The following NEO1 variants were observed in gnomAD, a reference collection of about 807,000 sequenced individuals.
The protein encoded by NEO1 is neogenin 1.
Under a neutral mutation model 159.7 loss-of-function variants are expected in NEO1, and 63 were observed. The ratio of observed to expected loss-of-function variants is 0.39; its 90% confidence interval spans 0.32 to 0.49. The LOEUF is 0.49. NEO1 is among the 20% of genes least tolerant of loss of function. NEO1 has a pLI of 0.85. For synonymous variants in NEO1, 633 were observed against 662.0 expected (o/e 0.96, Z 0.67); for missense variants, 1,615 against 1,831.0 (o/e 0.88, Z 2.15).
intron 5 of NEO1, among the ~76,000 whole-genome samples, chr15:73,150,822 A>G (rs75480405): frequency 0.022 from 3,343 of 152,208 alleles, 117 homozygotes; most frequent in African/African-American, 0.074. Flanking sequence ...CAGAGGGTCT[A>G]TTCTTTTGTT....
At chr15:73,179,869 A>T (rs999940786) in intron 7 of NEO1, among the ~76,000 whole-genome samples, 7 of 150,614 alleles carry the variant, frequency 4.6e-5, no homozygotes, top group African/African-American at 1.5e-4. Context: ...ATATGTATAT[A>T]TATATATATA....
intron 25 of NEO1, among the ~76,000 whole-genome samples, chr15:73,290,849 G>A (rs1417685677): frequency 2.0e-5 from 3 of 152,008 alleles, no homozygotes; most frequent in South Asian, 2.1e-4. Context: ...CCATGACATC[G>A]TGCACTTGGA....
At chr15:73,083,306 A>G (rs373635069) in intron 1 of NEO1, among the ~76,000 whole-genome samples, 15 of 152,268 alleles carry the variant, frequency 9.9e-5, no homozygotes, top group East Asian at 3.9e-4. Context: ...CATATTTCAA[A>G]TATATTTGAG....
intron 23 of NEO1, among the ~76,000 whole-genome samples, chr15:73,285,667 C>T (rs1266617578): frequency 6.6e-6 from 1 of 152,182 alleles, no homozygotes; most frequent in Non-Finnish European, 1.5e-5. Flanking sequence ...AGTCTTACAA[C>T]CTCAAAGTTG....
chr15:73,211,732 A>T (rs899682034), intron 7 of NEO1, among the ~76,000 whole-genome samples: 1 of 151,038 alleles, frequency 6.6e-6, no homozygotes, highest in African/African-American at 2.4e-5. Flanking sequence ...AAGACAATAA[A>T]AGTAGGTGGA....
chr15:73,303,629 T>C lies in NEO1; in HGVS notation c.*933T>C, dbSNP rs918660064. ...TCCTTTCCTGGCATGTCCATCCTTA[T>C]TGTCACTACGTTGCAACTGGAGTTT... On this transcript the variant is annotated 3_prime_UTR_variant, in exon 29 of 29. Coordinates refer to ENST00000261908, the MANE Select transcript of NEO1 (RefSeq NM_002499.4). 1.3e-5 allele frequency: 2 copies of C among 152,218 alleles called. No individual in the cohort carries two copies. The highest frequency in any genetic ancestry group is 1.5e-5 in the Non-Finnish European group (1 of 68,052). 9.4% of individuals were successfully genotyped at this position (152,218 alleles called of 1,614,324 possible).
chr15:73,053,166 C>A (rs2067541860), intron 1 of NEO1, among the ~76,000 whole-genome samples: 1 of 152,134 alleles, frequency 6.6e-6, no homozygotes, highest in African/African-American at 2.4e-5. Context: ...CTACACACCT[C>A]ATTAAATAAA....
chr15:73,164,499 G>A (rs1233175023), intron 5 of NEO1, among the ~76,000 whole-genome samples: 4 of 151,738 alleles, frequency 2.6e-5, no homozygotes, highest in Non-Finnish European at 5.9e-5. Flanking sequence ...ACAGGCATAA[G>A]CCACCACGCC....
chr15:73,203,438 G>T (rs2037023597), intron 7 of NEO1, among the ~76,000 whole-genome samples: 1 of 151,986 alleles, frequency 6.6e-6, no homozygotes, highest in South Asian at 2.1e-4. Flanking sequence ...CACTTAATAG[G>T]TATATTTAGG....
At chr15:73,113,995 G>T (rs1334775444) in intron 1 of NEO1, among the ~76,000 whole-genome samples, 1 of 152,046 alleles carries the variant, frequency 6.6e-6, no homozygotes. Context: ...AAGCAAGTTT[G>T]GGAACCTCTC....
chr15:73,205,606 C>T lies in NEO1; in HGVS notation c.1291+27179C>T, dbSNP rs955167502. Among the ~76,000 whole-genome samples the T allele has an allele frequency of 1.3e-5, 2 of 152,162 alleles. 1 individual carries two copies. Among genetic ancestry groups the T allele is most frequent in the Non-Finnish European group, 2.9e-5 (2 of 68,034 alleles). ...CATTCTCACAATAGTCCACACTCAA[C>T]CTCTAGCAATTTGTAAGATTACCTT... On this transcript the variant is annotated intron_variant, in intron 7 of 28. Transcript: ENST00000261908.
intron 5 of NEO1, among the ~76,000 whole-genome samples, chr15:73,136,899 C>T (rs1010081240): frequency 1.3e-5 from 2 of 152,100 alleles, no homozygotes; most frequent in African/African-American, 4.8e-5. Context: ...GAAGACTGCT[C>T]CCAGTGCTGT....
intron 1 of NEO1, among the ~76,000 whole-genome samples, chr15:73,107,922 C>T (rs1000304359): frequency 6.6e-6 from 1 of 152,184 alleles, no homozygotes. Context: ...TGGCTCATGC[C>T]TGCATTCCCA....
At chr15:73,288,729 G>C (rs575319960) in intron 24 of NEO1, among the ~76,000 whole-genome samples, 178 bp downstream of exon 24, 56 of 152,164 alleles carry the variant, frequency 3.7e-4, no homozygotes, top group African/African-American at 1.3e-3. Context: ...TCTTATGGGA[G>C]AGAGATTCTG....
intron 7 of NEO1, among the ~76,000 whole-genome samples, chr15:73,225,469 C>A (rs916039864): frequency 6.6e-6 from 1 of 152,026 alleles, no homozygotes; most frequent in Non-Finnish European, 1.5e-5. Context: ...TCCTTGGGCG[C>A]GTCTCCCTGC....
At chr15:73,064,783 A>G (rs1037667769) in intron 1 of NEO1, among the ~76,000 whole-genome samples, 1 of 151,984 alleles carries the variant, frequency 6.6e-6, no homozygotes, top group African/African-American at 2.4e-5. Context: ...TCATATATTT[A>G]TGTTATGTTT....
At chr15:73,256,659 T>C (rs1482853286) in intron 13 of NEO1, among the ~76,000 whole-genome samples, 1 of 152,184 alleles carries the variant, frequency 6.6e-6, no homozygotes, top group African/African-American at 2.4e-5. Context: ...GGTGAATGTT[T>C]GTCTCCAGGG....
In NEO1 at chr15:73,136,008, A is replaced by G; in HGVS notation, c.996A>G (p.Gln332=). The G allele has an allele frequency of 6.2e-7, 1 of 1,611,090 alleles. No individual in the cohort carries two copies. The highest frequency in any genetic ancestry group is 8.5e-7 in the Non-Finnish European group (1 of 1,179,192). ...ADNGNETIEA[Q]AELTVQAQPE... ...ATGGAAATGAGACAATTGAAGCTCA[A>G]GCAGAGCTTACAGTGCAAGGTATGT... Residue 332 remains glutamine, a synonymous_variant, in exon 5 of 29, where the codon CAA becomes CAG. Coordinates refer to ENST00000261908, the MANE Select transcript of NEO1 (RefSeq NM_002499.4).
chr15:73,298,784 T>C (rs1487580575), intron 27 of NEO1, among the ~76,000 whole-genome samples, 173 bp downstream of exon 27: 9 of 152,364 alleles, frequency 5.9e-5, no homozygotes, highest in Admixed American at 5.2e-4. Context: ...AGGAAGTTTA[T>C]GGCCTCCCCT....
Sources: gnomAD v4.1 joint callset for allele counts (sites outside exome capture counted in the v4.1 genomes callset) on GRCh38, gnomAD v4.1.1 for gene constraint, MANE v1.5 for transcripts, NCBI Gene and HGNC (gene_info 2026-07-23, HGNC 2026-07-21) for gene names.